The following CLASP2 variants were observed in gnomAD, a reference collection of about 807,000 sequenced individuals.
The protein encoded by CLASP2 is CLIP-associating protein 2.
A neutral mutation model predicts 194.4 loss-of-function variants in CLASP2; 47 were observed. The observed-to-expected ratio is 0.24, with a 90% CI of 0.19 to 0.31. The LOEUF (loss-of-function observed/expected upper bound fraction) is 0.31. Among genes scored for constraint, CLASP2 ranks in the 10% least tolerant of loss-of-function variants. The probability of loss-of-function intolerance (pLI) is 1.00; values close to 1 mark genes in which losing one functional copy is unlikely to be tolerated. For synonymous variants in CLASP2, 619 were observed against 633.5 expected (o/e 0.98, Z 0.34); for missense variants, 1,445 against 1,823.6 (o/e 0.79, Z 3.78).
chr3:33,545,593 G>A (rs1177660854), intron 30 of CLASP2, among the ~76,000 whole-genome samples: 1 of 152,140 alleles, frequency 6.6e-6, no homozygotes, highest in African/African-American at 2.4e-5. Context: ...ATTGAGAAAG[G>A]TCTATTATAC....
At chr3:33,517,851 G>A (rs1162931970) in intron 34 of CLASP2, among the ~76,000 whole-genome samples, 1 of 152,050 alleles carries the variant, frequency 6.6e-6, no homozygotes, top group African/African-American at 2.4e-5. Context: ...ACGGGGTTTC[G>A]CCATGTTGTC....
chr3:33,612,105 C>T (rs763781062), intron 12 of CLASP2, 34 bp from the exon 13 acceptor site: 80 of 1,325,192 alleles, frequency 6.0e-5, no homozygotes, highest in Non-Finnish European at 2.7e-5. Context: ...GTTGAAAATA[C>T]TACACACTTC....
chr3:33,665,209 C>A (rs887020398), intron 6 of CLASP2, among the ~76,000 whole-genome samples: 2 of 151,816 alleles, frequency 1.3e-5, no homozygotes, highest in African/African-American at 4.8e-5. Context: ...ATTAGAAGAA[C>A]AGGAGTAAAA....
chr3:33,550,553 C>G (rs972630016), intron 30 of CLASP2, among the ~76,000 whole-genome samples: 1 of 151,360 alleles, frequency 6.6e-6, no homozygotes, highest in Non-Finnish European at 1.5e-5. Flanking sequence ...AGAAGGAGCT[C>G]TCTAGAAAAT....
chr3:33,507,981 T>C (rs891688401), intron 37 of CLASP2, among the ~76,000 whole-genome samples: 2 of 150,582 alleles, frequency 1.3e-5, no homozygotes, highest in African/African-American at 2.4e-5. Context: ...TGTGTGTGTG[T>C]GTATATATAT....
chr3:33,551,347 C>T lies in CLASP2; in HGVS notation c.3058G>A (p.Asp1020Asn), dbSNP rs1158044444. 4 of 1,613,736 alleles carry T rather than the reference C, an allele frequency of 2.5e-6. No homozygotes were observed. Among genetic ancestry groups the T allele is most frequent in the Non-Finnish European group, 3.4e-6 (4 of 1,179,740 alleles). Residue 1020 changes from aspartate to asparagine, a missense_variant, in exon 30 of 39, where the codon GAT becomes AAT. By Grantham distance (23) the Asp-to-Asn change is conservative. Coordinates refer to ENST00000682230, the MANE Select transcript of CLASP2 (RefSeq NM_001365631.1). Reference protein sequence around the residue: ...KYIETLAKQMDPGDFINSSET... With the variant: ...KYIETLAKQMNPGDFINSSET... ...CTGGAATTTATAAAATCTCCTGGAT[C>T]CATCTGTTTGGCCAGAGTTTCTATG... is the stretch of plus-strand genomic sequence containing the variant.
At chr3:33,527,690 C>G (rs1314538854) in intron 34 of CLASP2, among the ~76,000 whole-genome samples, 1 of 152,124 alleles carries the variant, frequency 6.6e-6, no homozygotes. Context: ...TACCCCAGCA[C>G]ATTACAACAA....
chr3:33,659,095 C>G (rs996181163), intron 7 of CLASP2: 14 of 1,499,780 alleles, frequency 9.3e-6, no homozygotes, highest in Non-Finnish European at 1.2e-5. Flanking sequence ...TGCAGACACC[C>G]GGAGCACTGT....
Position 33,686,815 on chromosome 3 carries a change from C to T in CLASP2, c.546+245G>A, listed in dbSNP as rs373069284. Among the ~76,000 whole-genome samples, 23 of 152,286 alleles carry T rather than the reference C, an allele frequency of 1.5e-4. No individual in the cohort carries two copies. The East Asian group carries it at 3.9e-3, about 26-fold the overall frequency. ...TCTTTGTTACTCAGTCTCTCACACT[C>T]AAGAACTAACCATTAAGTCCCATCT... On this transcript the variant is annotated intron_variant, in intron 5 of 38. Transcript: ENST00000682230.
At position 33,608,608 on chromosome 3, in the gene CLASP2, T is replaced by C. The variant is rs754351287; in HGVS notation, c.1407A>G (p.Leu469=). Residue 469 remains leucine (L), a synonymous_variant, in exon 14 of 39, where the codon TTA becomes TTG. Transcript: ENST00000682230. ...TCTGCCACTCTTGCAACAATAAATC[T>C]AAAAATTCAAATGAACGTCTGAAAA... is the stretch of plus-strand genomic sequence containing the variant. ...VPVRRRSFEF[L]DLLLQEWQTH... is the part of the protein sequence containing the mutation. 9 of 1,610,276 alleles carry C rather than the reference T, an allele frequency of 5.6e-6. No individual in the cohort carries two copies. Among genetic ancestry groups the C allele is most frequent in the African/African-American group, 1.3e-5 (1 of 74,830 alleles).
chr3:33,610,937 A>T (rs1426775704), intron 13 of CLASP2, among the ~76,000 whole-genome samples: 1 of 152,208 alleles, frequency 6.6e-6, no homozygotes, highest in Admixed American at 6.5e-5. Flanking sequence ...AGTTCTTTAC[A>T]ATCTTCTTAA....
chr3:33,517,783 C>G (rs1029684791), intron 34 of CLASP2, among the ~76,000 whole-genome samples: 1 of 152,120 alleles, frequency 6.6e-6, no homozygotes, highest in East Asian at 1.9e-4. Flanking sequence ...CAACTTAAGC[C>G]TCCTGAGTAG....
chr3:33,509,729 T>C (rs2049237562), intron 37 of CLASP2, among the ~76,000 whole-genome samples: 1 of 152,216 alleles, frequency 6.6e-6, no homozygotes. Context: ...ATTTATTGGA[T>C]GGAAAGAGTT....
intron 7 of CLASP2, among the ~76,000 whole-genome samples, chr3:33,657,499 T>C (rs2084471976): frequency 6.6e-6 from 1 of 151,262 alleles, no homozygotes; most frequent in African/African-American, 2.4e-5. Context: ...ACTATAACCA[T>C]TGAACCTAAA....
At chr3:33,602,908 C>T (rs1369937693) in intron 18 of CLASP2, 44 bp downstream of exon 18, 2 of 1,547,170 alleles carry the variant, frequency 1.3e-6, no homozygotes, top group East Asian at 2.3e-5. Flanking sequence ...TCACAGAGAT[C>T]AGGGAGAGAA....
intron 21 of CLASP2, among the ~76,000 whole-genome samples, chr3:33,587,734 T>C (rs545545363): frequency 7.9e-5 from 12 of 152,342 alleles, no homozygotes; most frequent in Non-Finnish European, 1.8e-4. Context: ...GATACTCATA[T>C]AAGGAACCTG....
chr3:33,664,135 A>G (rs534306952), intron 6 of CLASP2, among the ~76,000 whole-genome samples: 7 of 152,210 alleles, frequency 4.6e-5, no homozygotes, highest in Non-Finnish European at 1.0e-4. Flanking sequence ...TATAAAAGAA[A>G]ATTAGGAAAT....
In CLASP2 at chr3:33,627,071, T is replaced by C; in HGVS notation, c.952A>G (p.Ser318Gly). ...TTTAATGTTTCTTCGAGTTCTCGAC[T>C]AGAATAAATCTTAAAAAAAAGATTC... ...TDVPSIQIYS[S>G]RELEETLNKI... The change falls in exon 10 of 39, where the codon AGT becomes GGT. Residue 318 changes from serine to glycine, a missense_variant. Coordinates refer to ENST00000682230, the MANE Select transcript of CLASP2 (RefSeq NM_001365631.1). The C allele has an allele frequency of 6.5e-7, 1 of 1,528,822 alleles. No homozygotes were observed. The highest frequency in any genetic ancestry group is 9.0e-7 in the Non-Finnish European group (1 of 1,116,692). The allele number at this position is 1,528,822 out of a possible 1,614,324, so 94.7% of individuals were successfully genotyped here.
intron 6 of CLASP2, among the ~76,000 whole-genome samples, chr3:33,666,565 T>C (rs776222919): frequency 2.6e-5 from 4 of 152,228 alleles, no homozygotes; most frequent in Non-Finnish European, 5.9e-5. Flanking sequence ...TAATATTCCA[T>C]CGTATGGATT....
Sources: gnomAD v4.1 joint callset for allele counts (sites outside exome capture counted in the v4.1 genomes callset) on GRCh38, gnomAD v4.1.1 for gene constraint, MANE v1.5 for transcripts, NCBI Gene and HGNC (gene_info 2026-07-23, HGNC 2026-07-21) for gene names.